ZMYM4: variants seen among roughly 807,000 people sequenced by gnomAD.
ZMYM4 encodes zinc finger MYM-type containing 4.
A neutral mutation model predicts 183.2 loss-of-function variants in ZMYM4; 31 were observed. The ratio of observed to expected loss-of-function variants is 0.17; its 90% CI spans 0.13 to 0.23. ZMYM4 has a LOEUF of 0.23. ZMYM4 is among the 10% of genes least tolerant of loss of function. The pLI, the probability that ZMYM4 is intolerant of heterozygous loss-of-function variation, is 1.00. For synonymous variants in ZMYM4, 592 were observed against 631.2 expected, an observed-to-expected ratio of 0.94 and a Z score of 0.93; for missense variants, 1,273 against 1,840.3, an observed-to-expected ratio of 0.69 and a Z score of 5.64.
At chr1:35,418,691 G>C in intron 29 of ZMYM4, 119 bp downstream of exon 29, 1 of 1,300,308 alleles carries the variant, frequency 7.7e-7, no homozygotes, top group Non-Finnish European at 1.1e-6. Flanking sequence ...GATTTACCAT[G>C]AATTTTTTCC....
chr1:35,315,067 A>G (rs1271667762), intron 1 of ZMYM4, among the ~76,000 whole-genome samples: 2 of 95,872 alleles, frequency 2.1e-5, no homozygotes, highest in Admixed American at 2.3e-4. Context: ...AGTAATTTTA[A>G]GGTGATGGCC....
intron 2 of ZMYM4, among the ~76,000 whole-genome samples, chr1:35,339,742 G>T (rs1643127949): frequency 6.6e-6 from 1 of 152,080 alleles, no homozygotes; most frequent in Non-Finnish European, 1.5e-5. Flanking sequence ...CCTTTCACGT[G>T]TAGCTTTTGA....
chr1:35,309,904 G>GT (rs1417730470), intron 1 of ZMYM4, among the ~76,000 whole-genome samples: 4 of 149,090 alleles, frequency 2.7e-5, no homozygotes, highest in South Asian at 2.1e-4. Context: ...ATTTTGTGGG[G>GT]TTTTTTTGTG....
chr1:35,310,032 C>T (rs1001996410), intron 1 of ZMYM4, among the ~76,000 whole-genome samples: 3 of 151,038 alleles, frequency 2.0e-5, no homozygotes, highest in Non-Finnish European at 2.9e-5. Flanking sequence ...CAGGTTCAAG[C>T]GATTCTCCTG....
intron 6 of ZMYM4, 54 bp from the exon 7 acceptor site, chr1:35,370,318 T>C (rs1644177060): frequency 1.7e-5 from 25 of 1,455,794 alleles, no homozygotes; most frequent in Admixed American, 2.8e-5. Flanking sequence ...TGGTAAAAAG[T>C]AAAACATTTT....
chr1:35,331,083 C>CA (rs1293205493), intron 2 of ZMYM4, among the ~76,000 whole-genome samples: 2 of 148,024 alleles, frequency 1.4e-5, no homozygotes, highest in African/African-American at 4.9e-5. Flanking sequence ...ATGGAACAAA[C>CA]AAAAAATAAA....
rs767162395 is a variant in ZMYM4 at position 35,330,258 on chromosome 1, A to AAT, written c.85+4854_85+4855insTA. 2.6e-3 allele frequency among the ~76,000 whole-genome samples: 393 copies of AAT among 152,110 alleles called. 1 individual carries two copies. Among genetic ancestry groups the AAT allele is most frequent in the Non-Finnish European group, 4.8e-3 (323 of 67,980 alleles). On this transcript the variant is annotated intron_variant, in intron 2 of 29. Transcript: ENST00000314607. ...GGAAGAAGGGAGGGAGGGAGGGAGGAAGGATAAGGAAGGAATGAGGAAAGA... is the reference window on the plus strand; with the variant it reads ...GGAAGAAGGGAGGGAGGGAGGGAGGAATAGGATAAGGAAGGAATGAGGAAAGA...
intron 1 of ZMYM4, among the ~76,000 whole-genome samples, chr1:35,273,324 T>C (rs559248338): frequency 1.2e-4 from 18 of 152,132 alleles, no homozygotes; most frequent in Non-Finnish European, 2.2e-4. Flanking sequence ...TATTATTTAA[T>C]TTTTTTAGAT....
chr1:35,388,997 A>T lies in ZMYM4; in HGVS notation c.2351A>T (p.Lys784Ile). Residue 784 changes from lysine to isoleucine, a missense_variant, in exon 14 of 30, where the codon AAA (lysine) becomes ATA (isoleucine). Physicochemically the swap from Lys to Ile is moderately radical, Grantham distance 102. Around this residue, in one of 6 missense-constraint regions of ZMYM4, gnomAD observed 319 missense variants for 518.1 expected, o/e 0.62. Coordinates refer to ENST00000314607, the MANE Select transcript of ZMYM4 (RefSeq NM_005095.3). ...MCSYCLQTSP[K>I]LVQNNLGGKV... ...AGTTATTGTTTACAGACATCTCCCA[A>T]ATTGGTACAGAATAATTTAGGAGGG... The T allele has an allele frequency of 6.2e-7, 1 of 1,614,164 alleles. No individual in the cohort carries two copies. Among genetic ancestry groups the T allele is most frequent in the East Asian group, 2.2e-5 (1 of 44,858 alleles).
At chr1:35,291,754 C>T (rs1341666708) in intron 1 of ZMYM4, among the ~76,000 whole-genome samples, 2 of 151,640 alleles carry the variant, frequency 1.3e-5, no homozygotes, top group Non-Finnish European at 2.9e-5. Flanking sequence ...TCTCCTGCCT[C>T]AGTCTCCCAA....
intron 17 of ZMYM4, 102 bp downstream of exon 17, chr1:35,392,786 G>A (rs964881347): frequency 1.6e-4 from 131 of 820,384 alleles, no homozygotes; most frequent in Non-Finnish European, 2.3e-4. Flanking sequence ...TTTATTATAT[G>A]AAATAGATTT....
In ZMYM4 at chr1:35,285,526, GA is replaced by G. The variant is rs943386369; in HGVS notation, c.39+16450del. On this transcript the variant is annotated intron_variant, in intron 1 of 29. Coordinates refer to ENST00000314607, the MANE Select transcript of ZMYM4 (RefSeq NM_005095.3). ...CACATCTGCAGATCAAAAATATTTG[GA>G]AAAAAAAATAAAAGGTAATACAAAT... Among the ~76,000 whole-genome samples, 35 of 147,692 alleles carry G rather than the reference GA, an allele frequency of 2.4e-4. 1 individual carries two copies. The highest frequency in any genetic ancestry group is 1.8e-3 in the Admixed American group (27 of 14,844).
chr1:35,320,102 C>T (rs558539856), intron 1 of ZMYM4, among the ~76,000 whole-genome samples: 7 of 152,272 alleles, frequency 4.6e-5, no homozygotes, highest in African/African-American at 1.7e-4. Flanking sequence ...GTTCCTGGCA[C>T]ACAGCTCCTA....
chr1:35,370,727 C>T (rs1387453534), intron 7 of ZMYM4, 100 bp downstream of exon 7: 39 of 284,224 alleles, frequency 1.4e-4, no homozygotes, highest in South Asian at 6.9e-4. Flanking sequence ...ACATTTATTC[C>T]TTTTTTTTTT....
chr1:35,299,106 G>C (rs570661007), intron 1 of ZMYM4, among the ~76,000 whole-genome samples: 27 of 151,002 alleles, frequency 1.8e-4, no homozygotes, highest in African/African-American at 6.3e-4. Flanking sequence ...GAGCTCAGGT[G>C]ATCCTCCTGC....
chr1:35,418,844 A>C (rs1640224364), intron 29 of ZMYM4, among the ~76,000 whole-genome samples: 1 of 152,176 alleles, frequency 6.6e-6, no homozygotes, highest in Admixed American at 6.5e-5. Context: ...TGTGATACCT[A>C]ATCTGTAGTT....
chr1:35,363,047 C>G (rs1643980676), intron 5 of ZMYM4, among the ~76,000 whole-genome samples: 1 of 152,192 alleles, frequency 6.6e-6, no homozygotes, highest in Admixed American at 6.5e-5. Context: ...TGGCGGGTGC[C>G]TGTAATTCCA....
intron 26 of ZMYM4, among the ~76,000 whole-genome samples, chr1:35,410,489 A>AAGTT (rs34074898): frequency 0.014 from 2,082 of 151,120 alleles, 52 homozygotes; most frequent in African/African-American, 0.047. Context: ...TTTATTAATT[A>AAGTT]ATTTATTTAT....
intron 2 of ZMYM4, among the ~76,000 whole-genome samples, chr1:35,325,676 C>A (rs10493071): frequency 6.6e-6 from 1 of 151,784 alleles, no homozygotes; most frequent in Non-Finnish European, 1.5e-5. Context: ...ATTATACTTA[C>A]CACTATTAAG....
Sources: gnomAD v4.1 joint callset for allele counts (sites outside exome capture counted in the v4.1 genomes callset) on GRCh38, gnomAD v4.1.1 for gene constraint, gnomAD v4.1.1 regional missense constraint, MANE v1.5 for transcripts, NCBI Gene and HGNC (gene_info 2026-07-23, HGNC 2026-07-21) for gene names.